The following BMP2K variants were observed in gnomAD, a reference collection of about 807,000 sequenced individuals.
The protein encoded by BMP2K is BMP-2-inducible protein kinase.
In BMP2K, 74 loss-of-function variants were observed where a neutral mutation model predicts 116.0. The ratio of observed to expected loss-of-function variants is 0.64; its 90% CI spans 0.53 to 0.77. The LOEUF (loss-of-function observed/expected upper bound fraction) is 0.77. Ranked by LOEUF, BMP2K falls within the 30% of genes least tolerant of loss-of-function variation. The pLI is 0.00. For missense variants in BMP2K, 1,365 were observed against 1,403.6 expected (o/e 0.97, Z 0.44); for synonymous variants, 486 against 502.5 (o/e 0.97, Z 0.44).
chr4:78,859,734 G>C, intron 8 of BMP2K, 47 bp downstream of exon 8: 1 of 1,289,776 alleles, frequency 7.8e-7, no homozygotes. Context: ...TCATTTTATC[G>C]TATGTGAATA....
chr4:78,905,817 T>G (rs963359722), intron 15 of BMP2K, among the ~76,000 whole-genome samples: 2 of 152,020 alleles, frequency 1.3e-5, no homozygotes, highest in African/African-American at 4.8e-5. Flanking sequence ...CTGAAATTTT[T>G]TTTTTTAAAT....
intron 15 of BMP2K, among the ~76,000 whole-genome samples, chr4:78,904,612 G>T (rs2110100030): frequency 1.3e-5 from 2 of 151,866 alleles, no homozygotes; most frequent in East Asian, 3.8e-4. Flanking sequence ...ATGAATTTTG[G>T]CAGTTTCCAG....
At chr4:78,792,569 T>G (rs183232319) in intron 1 of BMP2K, among the ~76,000 whole-genome samples, 4 of 152,354 alleles carry the variant, frequency 2.6e-5, no homozygotes, top group African/African-American at 7.2e-5. Flanking sequence ...AAAATCAGAA[T>G]TTTAGAAAAC....
intron 1 of BMP2K, among the ~76,000 whole-genome samples, chr4:78,778,382 C>T (rs1489082017): frequency 1.3e-5 from 2 of 152,120 alleles, no homozygotes; most frequent in Non-Finnish European, 2.9e-5. Context: ...TCAACCACAA[C>T]GAAGAATAAA....
chr4:78,865,870 G>T (rs1182358474), intron 10 of BMP2K, 150 bp downstream of exon 10: 2 of 763,186 alleles, frequency 2.6e-6, no homozygotes, highest in Admixed American at 3.0e-5. Context: ...AATAAATTCA[G>T]TTGGTTTCTC....
chr4:78,886,912 TC>T (rs1268076794), intron 14 of BMP2K, among the ~76,000 whole-genome samples: 3 of 152,166 alleles, frequency 2.0e-5, no homozygotes, highest in Non-Finnish European at 4.4e-5. Context: ...TTTAAATGAA[TC>T]AGACTAAGTT....
In BMP2K at chr4:78,892,237, T is replaced by A. The variant is rs190412949; in HGVS notation, c.2062+4953T>A. Among the ~76,000 whole-genome samples, 820 of 152,324 alleles carry A rather than the reference T, an allele frequency of 5.4e-3. 7 individuals carry two copies. Among genetic ancestry groups the A allele is most frequent in the African/African-American group, 0.019 (798 of 41,576 alleles). ...CAAGTTACCTTTGTGAAAAGGTTTTTAATTACATATTTAATATCTTTAATA... is the reference window on the plus strand; with the variant it reads ...CAAGTTACCTTTGTGAAAAGGTTTTAAATTACATATTTAATATCTTTAATA... On this transcript the variant is annotated intron_variant, in intron 15 of 15. Transcript: ENST00000502613.
chr4:78,910,016 C>T (rs958327914), intron 15 of BMP2K, among the ~76,000 whole-genome samples: 8 of 152,184 alleles, frequency 5.3e-5, no homozygotes, highest in Non-Finnish European at 1.2e-4. Context: ...GTCATATCAT[C>T]TAGAGAAGGC....
At chr4:78,819,130 TTTC>T (rs1414086307) in intron 1 of BMP2K, among the ~76,000 whole-genome samples, 2 of 152,184 alleles carry the variant, frequency 1.3e-5, no homozygotes, top group Non-Finnish European at 2.9e-5. Context: ...TTCCGCTAAA[TTTC>T]TTCTTGGAAT....
At chr4:78,807,565 T>G (rs1370459101) in intron 1 of BMP2K, among the ~76,000 whole-genome samples, 1 of 151,952 alleles carries the variant, frequency 6.6e-6, no homozygotes, top group Admixed American at 6.5e-5. Context: ...CTTTTTTTCT[T>G]TTTTCTTTTT....
At chr4:78,791,142 A>G (rs1578468951) in intron 1 of BMP2K, among the ~76,000 whole-genome samples, 1 of 152,116 alleles carries the variant, frequency 6.6e-6, no homozygotes, top group East Asian at 1.9e-4. Flanking sequence ...AAAAGACAAA[A>G]CACAAATAAA....
chr4:78,878,762 A>C lies in BMP2K; in HGVS notation c.1822A>C (p.Asn608His). 1 of 1,612,252 alleles carries C rather than the reference A, an allele frequency of 6.2e-7. No individual in the cohort carries two copies. The highest frequency in any genetic ancestry group is 8.5e-7 in the Non-Finnish European group (1 of 1,179,498). The change falls in exon 14 of 16, where the codon AAT becomes CAT. Residue 608 changes from asparagine (N) to histidine (H), a missense_variant. This residue lies in a region of BMP2K where 762 missense variants were observed against 756.7 expected (regional missense o/e 1.01). Coordinates refer to ENST00000502613, the MANE Select transcript of BMP2K (RefSeq NM_198892.2). The part of the protein sequence containing the change: ...RSVADKEAIA[N>H]FTNQKNISNP... Reference sequence around the variant, plus strand: ...AGTTGCTGATAAAGAGGCCATTGCAAATTTCACAAATCAGAAGAACATCAG... The same window carrying C: ...AGTTGCTGATAAAGAGGCCATTGCACATTTCACAAATCAGAAGAACATCAG...
intron 4 of BMP2K, among the ~76,000 whole-genome samples, chr4:78,843,923 G>A (rs1363248080): frequency 1.6e-4 from 24 of 151,572 alleles, no homozygotes; most frequent in Non-Finnish European, 3.2e-4. Flanking sequence ...GTAAACTTAT[G>A]CAAAAATATA....
At chr4:78,879,209 G>C in intron 14 of BMP2K, 1 of 1,051,324 alleles carries the variant, frequency 9.5e-7, no homozygotes, top group Non-Finnish European at 1.1e-6. Flanking sequence ...TAAAAAGGGA[G>C]ACATTTTATT....
chr4:78,776,412 T>G lies in BMP2K; in HGVS notation c.-132T>G. 4.4e-6 allele frequency: 4 copies of G among 909,324 alleles called. No individual in the cohort carries two copies. The highest frequency in any genetic ancestry group is 4.1e-6 in the Non-Finnish European group (3 of 738,070). 56.3% of individuals were successfully genotyped at this position (909,324 alleles called of 1,614,324 possible). A position where few individuals can be genotyped will look rare whatever the true frequency, so the allele number is the denominator to read the frequency against. ...GGCTGTGCGCTTGGGGAGCGCGGAA[T>G]GTGAGGCTTGGCGGGCCGCAGCACG... On this transcript the variant is annotated 5_prime_UTR_variant, in exon 1 of 16. The change abolishes an upstream ATG in the 5' untranslated region. Transcript: ENST00000502613.
At chr4:78,788,014 A>G (rs1322410792) in intron 1 of BMP2K, among the ~76,000 whole-genome samples, 5 of 151,972 alleles carry the variant, frequency 3.3e-5, no homozygotes, top group South Asian at 2.1e-4. Context: ...AGGTTTTACT[A>G]TTCTTTCTGA....
At chr4:78,820,308 A>G (rs76889749) in intron 1 of BMP2K, among the ~76,000 whole-genome samples, 1 of 152,162 alleles carries the variant, frequency 6.6e-6, no homozygotes, top group African/African-American at 2.4e-5. Context: ...AGGCAAATAT[A>G]CAACCATTTT....
chr4:78,837,507 G>A (rs558357468), intron 3 of BMP2K, among the ~76,000 whole-genome samples: 4 of 152,222 alleles, frequency 2.6e-5, no homozygotes, highest in Admixed American at 6.5e-5. Flanking sequence ...ACTCTTTCGT[G>A]TTCTCTCAGT....
At chr4:78,879,854 G>A (rs1732813704) in intron 14 of BMP2K, 2 of 151,952 alleles carry the variant, frequency 1.3e-5, no homozygotes, top group African/African-American at 2.4e-5. Flanking sequence ...AATAGTTTGG[G>A]ATTTAAATTT....
Sources: allele counts gnomAD v4.1 joint callset (sites outside exome capture counted in the v4.1 genomes callset), GRCh38; gene constraint gnomAD v4.1.1; regional missense constraint gnomAD v4.1.1; transcripts MANE v1.5; gene names NCBI Gene and HGNC (gene_info 2026-07-23, HGNC 2026-07-21).